Variants in UNC5D observed in about 807,000 individuals in gnomAD.
The protein encoded by UNC5D is unc-5 netrin receptor D.
UNC5D carries 39 observed loss-of-function variants against 105.4 expected under a neutral mutation model. The ratio of observed to expected loss-of-function variants is 0.37; its 90% CI spans 0.29 to 0.48. The LOEUF (loss-of-function observed/expected upper bound fraction) is 0.48, where lower values mean the gene tolerates loss of function less well. Ranked by LOEUF, UNC5D falls within the 20% of genes least tolerant of loss-of-function variation. The pLI is 0.98. For synonymous variants in UNC5D, 452 were observed against 450.4 expected, an observed-to-expected ratio of 1.00 and a Z score of -0.04; for missense variants, 991 against 1,202.4, an observed-to-expected ratio of 0.82 and a Z score of 2.60.
intron 16 of UNC5D, among the ~76,000 whole-genome samples, chr8:35,775,462 G>T (rs1802202514): frequency 1.3e-5 from 2 of 152,120 alleles, no homozygotes; most frequent in African/African-American, 4.8e-5. Context: ...GGCAGGTTTG[G>T]GCTCAGCTTG....
At chr8:35,776,365 A>G (rs539632377) in intron 16 of UNC5D, among the ~76,000 whole-genome samples, 3 of 152,348 alleles carry the variant, frequency 2.0e-5, no homozygotes, top group African/African-American at 7.2e-5. Flanking sequence ...TAATTTGCTG[A>G]ATAAGCATGT....
intron 1 of UNC5D, among the ~76,000 whole-genome samples, chr8:35,483,748 T>C (rs1313508300): frequency 6.6e-6 from 1 of 152,158 alleles, no homozygotes; most frequent in Admixed American, 6.5e-5. Context: ...CTAATCTCCA[T>C]GGGGCCGAGA....
At chr8:35,346,979 G>A (rs1466290864) in intron 1 of UNC5D, among the ~76,000 whole-genome samples, 1 of 151,966 alleles carries the variant, frequency 6.6e-6, no homozygotes, top group South Asian at 2.1e-4. Context: ...ATGCAGACAA[G>A]AGAGTTTATA....
rs1040027583 is a variant in UNC5D, at chr8:35,479,431, C to T, written c.104-69861C>T. Among the ~76,000 whole-genome samples the T allele has an allele frequency of 3.3e-5, 5 of 152,230 alleles. No individual in the cohort carries two copies. The East Asian group carries it at 5.8e-4, about 18-fold the overall frequency. ...TAAAAATAGATTTGTCCCAGCAATC[C>T]CACTATTGTGTATATACCCAAAGGA... is the stretch of plus-strand genomic sequence containing the variant. On this transcript the variant is annotated intron_variant, in intron 1 of 16. Transcript: ENST00000404895.
intron 7 of UNC5D, among the ~76,000 whole-genome samples, chr8:35,704,633 T>G (rs190959043): frequency 5.3e-4 from 81 of 152,248 alleles, no homozygotes; most frequent in African/African-American, 1.9e-3. Flanking sequence ...ATGACTCATC[T>G]AAACCCTAAG....
intron 1 of UNC5D, among the ~76,000 whole-genome samples, chr8:35,414,868 A>G (rs1264547882): frequency 1.3e-5 from 2 of 152,072 alleles, no homozygotes; most frequent in South Asian, 2.1e-4. Flanking sequence ...GTGAACTTGG[A>G]ATTATGCACT....
intron 1 of UNC5D, among the ~76,000 whole-genome samples, chr8:35,400,948 A>T (rs936608978): frequency 3.3e-5 from 5 of 152,114 alleles, no homozygotes; most frequent in African/African-American, 1.2e-4. Flanking sequence ...TTAGCACTGG[A>T]TGTGTCCCCA....
chr8:35,533,774 A>G (rs1563508805), intron 1 of UNC5D, among the ~76,000 whole-genome samples: 1 of 152,188 alleles, frequency 6.6e-6, no homozygotes, highest in South Asian at 2.1e-4. Context: ...AGCCGGTCTG[A>G]AAAGCACAAT....
intron 1 of UNC5D, among the ~76,000 whole-genome samples, chr8:35,497,051 G>A (rs1035596428): frequency 2.6e-5 from 4 of 152,152 alleles, no homozygotes; most frequent in African/African-American, 9.7e-5. Context: ...TGACCCAGAA[G>A]CCCTCATAGG....
intron 1 of UNC5D, among the ~76,000 whole-genome samples, chr8:35,358,973 T>C (rs1296621188): frequency 2.0e-5 from 3 of 152,040 alleles, no homozygotes; most frequent in Admixed American, 6.6e-5. Flanking sequence ...AAGGTACAGG[T>C]AGAAAATGGC....
chr8:35,494,161 A>G (rs967398161), intron 1 of UNC5D, among the ~76,000 whole-genome samples: 1 of 152,152 alleles, frequency 6.6e-6, no homozygotes, highest in Non-Finnish European at 1.5e-5. Flanking sequence ...AAAGAAATAT[A>G]CAAACTACCT....
chr8:35,458,024 G>A (rs1409094081), intron 1 of UNC5D, among the ~76,000 whole-genome samples: 3 of 152,170 alleles, frequency 2.0e-5, no homozygotes, highest in Non-Finnish European at 4.4e-5. Context: ...GCCTTGTGGA[G>A]TTTATTAGTT....
intron 1 of UNC5D, among the ~76,000 whole-genome samples, chr8:35,433,977 A>G (rs907708346): frequency 5.9e-5 from 9 of 152,140 alleles, no homozygotes; most frequent in Non-Finnish European, 1.2e-4. Flanking sequence ...ATTTTGTGAC[A>G]TAGGCTTGCA....
intron 1 of UNC5D, among the ~76,000 whole-genome samples, chr8:35,395,390 G>A (rs1478603162): frequency 6.6e-6 from 1 of 152,140 alleles, no homozygotes; most frequent in Admixed American, 6.5e-5. Flanking sequence ...AAATCTGATA[G>A]GGTTAAAGAG....
At chr8:35,497,447 C>A (rs1006695224) in intron 1 of UNC5D, among the ~76,000 whole-genome samples, 2 of 152,184 alleles carry the variant, frequency 1.3e-5, no homozygotes, top group Non-Finnish European at 2.9e-5. Context: ...CGAACCCCAT[C>A]ACATTTATTC....
At chr8:35,549,219 A>T (rs1017162957) in intron 1 of UNC5D, 73 bp from the exon 2 acceptor site, 1 of 1,379,236 alleles carries the variant, frequency 7.3e-7, no homozygotes, top group African/African-American at 1.4e-5. Flanking sequence ...GAGCTGGTGC[A>T]GGTTTGCCAT....
chr8:35,751,117 A>G (rs1384710101), intron 13 of UNC5D, among the ~76,000 whole-genome samples: 1 of 152,136 alleles, frequency 6.6e-6, no homozygotes, highest in East Asian at 1.9e-4. Flanking sequence ...GGTAGGGGCT[A>G]GTGAGGTGGG....
intron 1 of UNC5D, among the ~76,000 whole-genome samples, chr8:35,533,971 G>A (rs1052867399): frequency 2.0e-5 from 3 of 152,098 alleles, no homozygotes; most frequent in Middle Eastern, 3.2e-3. Flanking sequence ...AGATAAACCC[G>A]GTACCTCAGA....
At chr8:35,344,175 AAAAT>A (rs1811646036) in intron 1 of UNC5D, among the ~76,000 whole-genome samples, 1 of 152,080 alleles carries the variant, frequency 6.6e-6, no homozygotes, top group East Asian at 1.9e-4. Context: ...TATATAAAGA[AAAAT>A]AAATGGCAAT....
Sources: allele counts gnomAD v4.1 joint callset (sites outside exome capture counted in the v4.1 genomes callset), GRCh38; gene constraint gnomAD v4.1.1; transcripts MANE v1.5; gene names NCBI Gene and HGNC (gene_info 2026-07-23, HGNC 2026-07-21).